The following NDST3 variants were observed in gnomAD, a reference collection of about 807,000 sequenced individuals.
NDST3 encodes the protein N-deacetylase and N-sulfotransferase 3.
In NDST3, 58 loss-of-function variants were observed where a neutral mutation model predicts 96.1. The observed-to-expected ratio is 0.60, with a 90% CI of 0.49 to 0.75. The LOEUF (loss-of-function observed/expected upper bound fraction) is 0.75. Ranked by LOEUF, NDST3 falls within the 30% of genes least tolerant of loss-of-function variation. The pLI is 0.00. For missense variants in NDST3, 788 were observed against 1,034.2 expected, an observed-to-expected ratio of 0.76 and a Z score of 3.27; for synonymous variants, 333 against 359.7, an observed-to-expected ratio of 0.93 and a Z score of 0.84.
At chr4:118,077,093 C>G (rs1010029804) in intron 2 of NDST3, among the ~76,000 whole-genome samples, 3 of 152,220 alleles carry the variant, frequency 2.0e-5, no homozygotes. Flanking sequence ...TGCTCTAACT[C>G]TGAGGAACTG....
intron 11 of NDST3, 44 bp downstream of exon 11, chr4:118,240,738 G>A: frequency 1.3e-6 from 2 of 1,537,560 alleles, no homozygotes; most frequent in Non-Finnish European, 1.8e-6. Context: ...ATCTCATTAA[G>A]TTGATGACTT....
At chr4:118,189,282 C>T (rs977024503) in intron 6 of NDST3, among the ~76,000 whole-genome samples, 10 of 152,158 alleles carry the variant, frequency 6.6e-5, no homozygotes, top group African/African-American at 2.4e-4. Context: ...AACTCCTGAG[C>T]TCAGGTGCTC....
chr4:118,251,903 A>G (rs1310440028), intron 12 of NDST3, among the ~76,000 whole-genome samples: 1 of 152,194 alleles, frequency 6.6e-6, no homozygotes, highest in Non-Finnish European at 1.5e-5. Context: ...TTTTAAAAGT[A>G]TCTAGTCTTC....
At chr4:118,052,488 C>G (rs1427916767) in intron 1 of NDST3, among the ~76,000 whole-genome samples, 1 of 151,984 alleles carries the variant, frequency 6.6e-6, no homozygotes, top group Non-Finnish European at 1.5e-5. Context: ...CAGCATCCCA[C>G]AGTATCCCCA....
At chr4:118,221,371 G>A (rs1263590026) in intron 6 of NDST3, among the ~76,000 whole-genome samples, 2 of 152,040 alleles carry the variant, frequency 1.3e-5, no homozygotes, top group East Asian at 3.8e-4. Context: ...GATTTAAACT[G>A]AGCAGCGTGG....
At chr4:118,124,747 G>A (rs903953458) in intron 4 of NDST3, among the ~76,000 whole-genome samples, 9 of 151,878 alleles carry the variant, frequency 5.9e-5, no homozygotes, top group Non-Finnish European at 7.4e-5. Context: ...TCTCTTTTCC[G>A]GAGATGAGTA....
chr4:118,051,918 G>T (rs1725101168), intron 1 of NDST3, among the ~76,000 whole-genome samples: 1 of 152,044 alleles, frequency 6.6e-6, no homozygotes, highest in Non-Finnish European at 1.5e-5. Flanking sequence ...AAAAGGGAAT[G>T]CTTATACACT....
intron 6 of NDST3, among the ~76,000 whole-genome samples, chr4:118,223,044 A>G (rs1482012108): frequency 6.6e-6 from 1 of 151,996 alleles, no homozygotes; most frequent in African/African-American, 2.4e-5. Context: ...TAACCAGGTT[A>G]AAAATACACA....
At chr4:118,094,710 T>G (rs936567499) in intron 2 of NDST3, among the ~76,000 whole-genome samples, 6 of 151,896 alleles carry the variant, frequency 4.0e-5, no homozygotes, top group Admixed American at 3.9e-4. Flanking sequence ...GGGAGCCTAC[T>G]ACATGCCAAG....
In NDST3 at chr4:118,176,406, T is replaced by C. The variant is rs950959170; in HGVS notation, c.1539+32722T>C. 2.6e-5 allele frequency among the ~76,000 whole-genome samples: 4 copies of C among 152,142 alleles called. 1 individual carries two copies. The highest frequency in any genetic ancestry group is 6.3e-3 in the Middle Eastern group (2 of 316). ...TTATATGCAGATAGAAAGTTGCATA[T>C]TATTATGACCAAAGGTCATTTATTA... is the stretch of plus-strand genomic sequence containing the variant. On this transcript the variant is annotated intron_variant, in intron 6 of 13. Coordinates refer to ENST00000296499, the MANE Select transcript of NDST3 (RefSeq NM_004784.3).
At chr4:118,251,115 T>TATTA (rs1741686749) in intron 12 of NDST3, among the ~76,000 whole-genome samples, 1 of 136,366 alleles carries the variant, frequency 7.3e-6, no homozygotes, top group Non-Finnish European at 1.6e-5. Flanking sequence ...TTTATTTATT[T>TATTA]ATTATTTTTA....
At chr4:118,081,303 A>C (rs2125817707) in intron 2 of NDST3, among the ~76,000 whole-genome samples, 1 of 152,302 alleles carries the variant, frequency 6.6e-6, no homozygotes, top group Non-Finnish European at 1.5e-5. Context: ...CTATATTTTT[A>C]TGCAAGGTTT....
Position 118,253,595 on chromosome 4 carries a change from T to G in NDST3, c.2496T>G (p.Asp832Glu). ...AAGGAAGAAAATACCCTCCAATGGA[T>G]TCTGATGTAAGCATAGACCTTAAAA... ...KSKGRKYPPMDSDSRTFLSSY... is the reference protein window; with the variant it reads ...KSKGRKYPPMESDSRTFLSSY... Residue 832 changes from aspartate (D) to glutamate (E), a missense_variant, in exon 13 of 14, where the codon GAT (aspartate) becomes GAG (glutamate). Asp to Glu is a conservative substitution (Grantham distance 45). Around this residue, in one of 3 missense-constraint regions of NDST3, gnomAD observed 64 missense variants for 68.5 expected, o/e 0.93. Transcript: ENST00000296499. 1.9e-6 allele frequency: 3 copies of G among 1,605,146 alleles called. No homozygotes were observed. Among genetic ancestry groups the G allele is most frequent in the Non-Finnish European group, 2.6e-6 (3 of 1,172,816 alleles).
rs1741902139 is a variant in NDST3, at chr4:118,253,546, A to G, written c.2447A>G (p.Lys816Arg). The change falls in exon 13 of 14, where the codon AAA becomes AGA. Residue 816 changes from lysine (K) to arginine (R), a missense_variant. Physicochemically the swap from Lys to Arg is conservative, Grantham distance 26 (BLOSUM62 2). Coordinates refer to ENST00000296499, the MANE Select transcript of NDST3 (RefSeq NM_004784.3). ...GFWCQLLEEG[K>R]TKCLGKSKGR... Reference sequence around the variant, plus strand: ...TGGTGTCAGTTACTGGAAGAAGGTAAAACAAAATGCCTTGGAAAGAGCAAA... The same window carrying G: ...TGGTGTCAGTTACTGGAAGAAGGTAGAACAAAATGCCTTGGAAAGAGCAAA... 6.2e-7 allele frequency: 1 copy of G among 1,613,226 alleles called. No homozygotes were observed. The highest frequency in any genetic ancestry group is 1.3e-5 in the African/African-American group (1 of 74,884).
At chr4:118,096,258 T>C (rs966340923) in intron 2 of NDST3, among the ~76,000 whole-genome samples, 1 of 151,880 alleles carries the variant, frequency 6.6e-6, no homozygotes, top group Non-Finnish European at 1.5e-5. Flanking sequence ...TTCTCATGTA[T>C]TGAATGCATG....
At chr4:118,181,612 A>G (rs1736615264) in intron 6 of NDST3, among the ~76,000 whole-genome samples, 1 of 152,154 alleles carries the variant, frequency 6.6e-6, no homozygotes, top group Non-Finnish European at 1.5e-5. Flanking sequence ...CTTCCAATTA[A>G]GCTCACTTCT....
intron 6 of NDST3, among the ~76,000 whole-genome samples, chr4:118,170,340 T>A (rs1333507597): frequency 6.6e-6 from 1 of 152,226 alleles, no homozygotes; most frequent in South Asian, 2.1e-4. Flanking sequence ...TATTCTTACA[T>A]GATACATGCC....
At chr4:118,231,930 A>G (rs542770791) in intron 8 of NDST3, among the ~76,000 whole-genome samples, 10 of 152,284 alleles carry the variant, frequency 6.6e-5, no homozygotes, top group African/African-American at 2.4e-4. Flanking sequence ...CACTTTTTGA[A>G]AAATCACACC....
chr4:118,160,294 A>G (rs1366002551), intron 6 of NDST3, among the ~76,000 whole-genome samples: 1 of 152,212 alleles, frequency 6.6e-6, no homozygotes, highest in Non-Finnish European at 1.5e-5. Context: ...GCCAACTGAG[A>G]ATACTATAGC....
Sources: allele counts gnomAD v4.1 joint callset (sites outside exome capture counted in the v4.1 genomes callset), GRCh38; gene constraint gnomAD v4.1.1; regional missense constraint gnomAD v4.1.1; transcripts MANE v1.5; gene names NCBI Gene and HGNC (gene_info 2026-07-23, HGNC 2026-07-21).